Variants in HLA-DPA1 observed in about 807,000 individuals in gnomAD.
HLA-DPA1 encodes major histocompatibility complex, class II, DP alpha 1.
In HLA-DPA1, 20 loss-of-function variants were observed where a neutral mutation model predicts 21.5. The observed-to-expected ratio is 0.93, with a 90% CI of 0.66 to 1.35. HLA-DPA1 has a LOEUF of 1.35. Ranked by LOEUF, HLA-DPA1 falls within the 40% of genes most tolerant of loss-of-function variation. The pLI is 0.00. For synonymous variants in HLA-DPA1, 123 were observed against 129.6 expected, an observed-to-expected ratio of 0.95 and a Z score of 0.35; for missense variants, 279 against 323.0, an observed-to-expected ratio of 0.86 and a Z score of 1.05.
chr6:33,078,567 C>T (rs1158708571), intron 1 of HLA-DPA1, among the ~76,000 whole-genome samples: 7 of 152,184 alleles, frequency 4.6e-5, no homozygotes, highest in East Asian at 1.9e-4. Context: ...GGTTTCAAAC[C>T]GTGCTCTGGG....
chr6:33,078,405 A>G (rs1051471764), intron 1 of HLA-DPA1, among the ~76,000 whole-genome samples: 1 of 152,138 alleles, frequency 6.6e-6, no homozygotes, highest in African/African-American at 2.4e-5. Flanking sequence ...CACATCCCCA[A>G]CCTCAAACAG....
At chr6:33,064,880 C>T (rs1761880358) in exon 6 of HLA-DPA1, 1 of 152,216 alleles carries the variant, frequency 6.6e-6, no homozygotes, top group Non-Finnish European at 1.5e-5. Flanking sequence ...ATCCTCAGAC[C>T]TTTCCGTTCA....
chr6:33,067,552 C>A (rs9469337), intron 5 of HLA-DPA1: 2 of 146,538 alleles, frequency 1.4e-5, no homozygotes, highest in Non-Finnish European at 3.0e-5. Flanking sequence ...CTCTTTTCTT[C>A]GTAAATTAGG....
At chr6:33,065,657 A>G (rs7751577) in intron 5 of HLA-DPA1, 4,633 of 152,348 alleles carry the variant, frequency 0.03, 245 homozygotes, top group African/African-American at 0.1. Flanking sequence ...GAAGAAGCTT[A>G]ACCCTGGAAT....
intron 5 of HLA-DPA1, 187 bp downstream of exon 4, chr6:33,068,451 T>C: frequency 1.9e-6 from 1 of 520,878 alleles, no homozygotes; most frequent in Non-Finnish European, 3.4e-6. Context: ...ATAAAGTGAG[T>C]TAATAAATGT....
intron 5 of HLA-DPA1, 128 bp downstream of exon 4, chr6:33,068,510 G>A (rs72879607): frequency 0.21 from 147,690 of 690,078 alleles, 23,647 homozygotes; most frequent in East Asian, 0.63. Context: ...GTTAGTTATC[G>A]GTGTTGTTGT....
intron 1 of HLA-DPA1, among the ~76,000 whole-genome samples, chr6:33,077,623 C>G (rs1762611671): frequency 1.3e-5 from 2 of 152,150 alleles, no homozygotes; most frequent in Admixed American, 1.3e-4. Flanking sequence ...TAAACTAGTT[C>G]AACCATTGTA....
chr6:33,069,593 C>T lies in HLA-DPA1; in HGVS notation c.346+48G>A, dbSNP rs1204305465. 9 of 1,604,656 alleles carry T rather than the reference C, an allele frequency of 5.6e-6. No homozygotes were observed. The East Asian group carries it at 2.0e-4, about 36-fold the overall frequency. ...TCTGAGGGTGGCAGAGAGGCCCTCT[C>T]ATCCCTTCCAGTTGGGCTACAGAGG... On this transcript the variant is annotated intron_variant, in intron 3 of 5. Coordinates refer to ENST00000419277, the Ensembl canonical transcript of HLA-DPA1.
chr6:33,073,879 C>G, intron 1 of HLA-DPA1: 1 of 300,656 alleles, frequency 3.3e-6, no homozygotes, highest in Non-Finnish European at 6.1e-6. Context: ...TAAGTTACAC[C>G]TTCTTCTGAC....
chr6:33,079,552 C>T (rs1263424661), intron 1 of HLA-DPA1: 3 of 376,246 alleles, frequency 8.0e-6, no homozygotes, highest in African/African-American at 6.5e-5. Context: ...TTAAGCATAA[C>T]TGGCGGAAAC....
At chr6:33,079,579 T>C in intron 1 of HLA-DPA1, 2 of 414,802 alleles carry the variant, frequency 4.8e-6, no homozygotes, top group Non-Finnish European at 9.3e-6. Context: ...GTCTTAACAG[T>C]AGGGTTCGTA....
intron 1 of HLA-DPA1, chr6:33,076,112 C>T (rs11551416): frequency 1.2e-6 from 2 of 1,611,716 alleles, no homozygotes; most frequent in Non-Finnish European, 1.7e-6. Context: ...GTGCTGCTCA[C>T]ATCTGTGGTC....
At chr6:33,068,688 G>C (rs766076005) in exon 5 of HLA-DPA1, 1 of 1,612,974 alleles carries the variant, frequency 6.2e-7, no homozygotes, top group Non-Finnish European at 8.5e-7. Context: ...TGGCCAGAAC[G>C]CAGAGACTTT....
chr6:33,070,088 C>T (rs73739674), intron 2 of HLA-DPA1, among the ~76,000 whole-genome samples: 37,109 of 151,934 alleles, frequency 0.24, 5,621 homozygotes, highest in East Asian at 0.66. Context: ...AAGAAAGGAG[C>T]AAAGAACAAA....
chr6:33,069,780 C>T (rs1042177), exon 3 of HLA-DPA1: 240,777 of 1,591,892 alleles, frequency 0.15, 21,824 homozygotes, highest in African/African-American at 0.32. Context: ...CGGTCTCCTT[C>T]TTGTCCAGAT....
chr6:33,067,833 A>T (rs1421883470), intron 5 of HLA-DPA1: 2 of 148,708 alleles, frequency 1.3e-5, no homozygotes, highest in African/African-American at 5.1e-5. Flanking sequence ...AGGACTGGAG[A>T]TAAAAGGGAC....
In HLA-DPA1 at chr6:33,076,066, G is replaced by GC. The variant is rs1048293876; in HGVS notation, c.-99-2398dup. 2.5e-6 allele frequency: 4 copies of GC among 1,612,196 alleles called. No individual in the cohort carries two copies. The African/African-American group carries it at 4.0e-5, about 16-fold the overall frequency. On this transcript the variant is annotated intron_variant, in intron 1 of 5. Transcript: ENST00000419277. Reference sequence around the variant, plus strand: ...CATGATGGTTCTGCAGGTTTCTGCGGCCCCCCGGACAGTGGCTCTGACGGC... The same window carrying GC: ...CATGATGGTTCTGCAGGTTTCTGCGGCCCCCCCGGACAGTGGCTCTGACGGC...
intron 1 of HLA-DPA1, among the ~76,000 whole-genome samples, chr6:33,077,803 C>T (rs1207633472): frequency 1.3e-5 from 2 of 152,188 alleles, no homozygotes; most frequent in Non-Finnish European, 2.9e-5. Context: ...ATCATGTCAC[C>T]TCCTCATCTT....
Position 33,075,123 on chromosome 6 carries a change from G to A in HLA-DPA1, c.-99-1454C>T, listed in dbSNP as rs117400533. ...ACAAAATAGAATCAGATGCTTTGAAGGAGGTGGGGTCTTTGATGATTTTTT... is the reference window on the plus strand; with the variant it reads ...ACAAAATAGAATCAGATGCTTTGAAAGAGGTGGGGTCTTTGATGATTTTTT... On this transcript the variant is annotated intron_variant, in intron 1 of 5. Coordinates refer to ENST00000419277, the Ensembl canonical transcript of HLA-DPA1. Among the ~76,000 whole-genome samples the A allele has an allele frequency of 3.6e-3, 543 of 152,304 alleles. 3 individuals are homozygous for A. Among genetic ancestry groups the A allele is most frequent in the East Asian group, 0.026 (133 of 5,190 alleles).
Sources: gnomAD v4.1 joint callset for allele counts (sites outside exome capture counted in the v4.1 genomes callset) on GRCh38, gnomAD v4.1.1 for gene constraint, MANE v1.5 for transcripts, NCBI Gene and HGNC (gene_info 2026-07-23, HGNC 2026-07-21) for gene names.